FFAR4: variants seen among roughly 807,000 people sequenced by gnomAD.
The protein encoded by FFAR4 is free fatty acid receptor 4, also known as G-protein coupled receptor 120.
A neutral mutation model predicts 27.0 loss-of-function variants in FFAR4; 19 were observed. That is an observed-to-expected ratio of 0.70 (90% confidence interval 0.49 to 1.03). The LOEUF (loss-of-function observed/expected upper bound fraction) is 1.03. Among genes scored for constraint, FFAR4 ranks in the 50% least tolerant of loss-of-function variants. The pLI is 0.00. For synonymous variants in FFAR4, 254 were observed against 215.6 expected (o/e 1.18, Z -1.56); for missense variants, 476 against 479.0 (o/e 0.99, Z 0.06).
intron 1 of FFAR4, among the ~76,000 whole-genome samples, chr10:93,574,102 T>C (rs1026507015): frequency 6.6e-6 from 1 of 152,174 alleles, no homozygotes; most frequent in Admixed American, 6.6e-5. Context: ...AGTGTGTGTG[T>C]GCGTGTGTGT....
chr10:93,573,187 G>T (rs1236913349), intron 1 of FFAR4, among the ~76,000 whole-genome samples: 1 of 152,214 alleles, frequency 6.6e-6, no homozygotes, highest in African/African-American at 2.4e-5. Context: ...AAGGGCCAGC[G>T]CCTTGCTCTT....
At chr10:93,574,830 C>T (rs543505029) in intron 1 of FFAR4, among the ~76,000 whole-genome samples, 10 of 152,072 alleles carry the variant, frequency 6.6e-5, no homozygotes, top group South Asian at 2.1e-4. Flanking sequence ...ACCTGGGAGG[C>T]GGAGGTTGCA....
chr10:93,578,937 C>G (rs1241764599), intron 2 of FFAR4, among the ~76,000 whole-genome samples: 1 of 152,178 alleles, frequency 6.6e-6, no homozygotes, highest in South Asian at 2.1e-4. Context: ...CTGGTCTGCC[C>G]CTTTTCACTC....
chr10:93,575,354 G>A (rs1350956139), intron 1 of FFAR4, among the ~76,000 whole-genome samples: 2 of 152,208 alleles, frequency 1.3e-5, no homozygotes, highest in Non-Finnish European at 1.5e-5. Context: ...GAAGCTATTT[G>A]TAACTATTCA....
chr10:93,576,186 G>T lies in FFAR4; in HGVS notation c.663G>T (p.Leu221=). 1 of 1,614,040 alleles carries T rather than the reference G, an allele frequency of 6.2e-7. No homozygotes were observed. The highest frequency in any genetic ancestry group is 1.1e-5 in the South Asian group (1 of 91,078). ...FVTLNFLVPG[L]VIVISYSKIL... is the part of the protein sequence containing the mutation. ...CTTTGAACTTCTTGGTGCCAGGACT[G>T]GTCATTGTGATCAGTTACTCCAAAA... The change falls in exon 2 of 3, where the codon CTG becomes CTT. Residue 221 remains leucine, a synonymous_variant. Transcript: ENST00000371481.
intron 1 of FFAR4, among the ~76,000 whole-genome samples, chr10:93,575,638 T>C (rs2058159436): frequency 6.6e-6 from 1 of 152,216 alleles, no homozygotes; most frequent in Admixed American, 6.5e-5. Context: ...CTTACACAGT[T>C]GTGACTACAG....
intron 1 of FFAR4, among the ~76,000 whole-genome samples, chr10:93,575,681 A>G (rs962655262): frequency 6.6e-6 from 1 of 152,206 alleles, no homozygotes; most frequent in African/African-American, 2.4e-5. Flanking sequence ...TATGTTTGTT[A>G]TGTAGCATGT....
Position 93,587,114 on chromosome 10 carries a change from C to G in FFAR4, c.697-106C>G, listed in dbSNP as rs537423167. 3.4e-5 allele frequency: 34 copies of G among 988,778 alleles called. No individual in the cohort carries two copies. The East Asian group carries it at 6.7e-4, about 19-fold the overall frequency. 61.3% of individuals were successfully genotyped at this position (988,778 alleles called of 1,614,324 possible). A position where few individuals can be genotyped will look rare whatever the true frequency, so the allele number is the denominator to read the frequency against. On this transcript the variant is annotated intron_variant, in intron 2 of 2. Transcript: ENST00000371481. Reference sequence around the variant, plus strand: ...CACACAAAGTCCCAGAGGCACACAGCTTCAGTGCCTTGGGGATAGCAGATT... The same window carrying G: ...CACACAAAGTCCCAGAGGCACACAGGTTCAGTGCCTTGGGGATAGCAGATT...
chr10:93,575,658 G>A lies in FFAR4; in HGVS notation c.568-433G>A, dbSNP rs115979684. ...ACAGTTGTGACTACAGGGAAACCTC[G>A]TTCCTGTTTTGATATGTTTGTTATG... On this transcript the variant is annotated intron_variant, in intron 1 of 2. Transcript: ENST00000371481. 2.2e-3 allele frequency among the ~76,000 whole-genome samples: 340 copies of A among 152,280 alleles called. 1 individual carries two copies. Among genetic ancestry groups the A allele is most frequent in the African/African-American group, 7.4e-3 (308 of 41,544 alleles).
chr10:93,569,304 C>A (rs1194208963), intron 1 of FFAR4, among the ~76,000 whole-genome samples: 1 of 152,138 alleles, frequency 6.6e-6, no homozygotes, highest in Non-Finnish European at 1.5e-5. Flanking sequence ...TCAAGTATAA[C>A]CCTAATTAAT....
chr10:93,575,067 A>G (rs1315255765), intron 1 of FFAR4, among the ~76,000 whole-genome samples: 2 of 152,248 alleles, frequency 1.3e-5, no homozygotes, highest in Non-Finnish European at 2.9e-5. Flanking sequence ...AAGTGAATGA[A>G]TGAATGAATG....
intron 1 of FFAR4, among the ~76,000 whole-genome samples, chr10:93,571,244 G>A (rs1251049269): frequency 6.6e-6 from 1 of 152,148 alleles, no homozygotes. Context: ...CACATCGGCA[G>A]GTGGAGAAGA....
rs1360274315 is a variant in FFAR4, at chr10:93,588,326, G to A, written c.*717G>A. 1 of 152,174 alleles carries A rather than the reference G, an allele frequency of 6.6e-6. No individual in the cohort carries two copies. The highest frequency in any genetic ancestry group is 3.4e-3 in the Middle Eastern group (1 of 294). 9.4% of individuals were successfully genotyped at this position (152,174 alleles called of 1,614,324 possible). A position where few individuals can be genotyped will look rare whatever the true frequency, so the allele number is the denominator to read the frequency against. ...CCTGTGCCCTACCTTGGACTCGCAA[G>A]GGTTTAGGATCATTCGTTGATGTCA... On this transcript the variant is annotated 3_prime_UTR_variant, in exon 3 of 3. Coordinates refer to ENST00000371481, the MANE Select transcript of FFAR4 (RefSeq NM_001195755.2).
chr10:93,566,783 C>T lies in FFAR4; in HGVS notation c.63C>T (p.Asn21=), dbSNP rs2058098378. 5 of 1,608,836 alleles carry T rather than the reference C, an allele frequency of 3.1e-6. No homozygotes were observed. Among genetic ancestry groups the T allele is most frequent in the Non-Finnish European group, 4.2e-6 (5 of 1,179,194 alleles). The change falls in exon 1 of 3, where the codon AAC becomes AAT. Residue 21 remains asparagine (N), a synonymous_variant. Transcript: ENST00000371481. ...DAPLRSLEQA[N]RTRFPFFSDV... ...CCTTGCGCAGCCTGGAGCAAGCCAA[C>T]CGCACCCGCTTTCCCTTCTTCTCCG... is the stretch of plus-strand genomic sequence containing the variant.
At position 93,576,140 on chromosome 10, in the gene FFAR4, C is replaced by T; in HGVS notation, c.617C>T (p.Ser206Leu). 3 of 1,613,844 alleles carry T rather than the reference C, an allele frequency of 1.9e-6. No homozygotes were observed. The highest frequency in any genetic ancestry group is 2.5e-6 in the Non-Finnish European group (3 of 1,179,732). The change falls in exon 2 of 3, where the codon TCG becomes TTG. Residue 206 changes from serine (S) to leucine (L), a missense_variant. Transcript: ENST00000371481. ...TGGCCCACCATTCCTGGAGAGATCT[C>T]GTGGGATGTCTCTTTTGTTACTTTG... is the stretch of plus-strand genomic sequence containing the variant. ...LIWPTIPGEI[S>L]WDVSFVTLNF...
In FFAR4 at chr10:93,586,289, A is replaced by C. The variant is rs369916575; in HGVS notation, c.697-931A>C. 3.3e-5 allele frequency among the ~76,000 whole-genome samples: 5 copies of C among 152,086 alleles called. No individual in the cohort carries two copies. In the East Asian group the frequency reaches 5.8e-4, roughly 18 times the overall value. ...GGGTCTCCCCCTTCGCTTGGTTCTCATTCTTCTCCTTCCTGCCACCGTGTG... is the reference window on the plus strand; with the variant it reads ...GGGTCTCCCCCTTCGCTTGGTTCTCCTTCTTCTCCTTCCTGCCACCGTGTG... On this transcript the variant is annotated intron_variant, in intron 2 of 2. Transcript: ENST00000371481.
chr10:93,575,496 G>A (rs1025182677), intron 1 of FFAR4, among the ~76,000 whole-genome samples: 2 of 152,190 alleles, frequency 1.3e-5, no homozygotes, highest in African/African-American at 2.4e-5. Flanking sequence ...ATCTTGAACT[G>A]TCTGTGAGTG....
rs572879885 is a variant in FFAR4 at position 93,576,953 on chromosome 10, C to G, written c.696+734C>G. Among the ~76,000 whole-genome samples, 5 of 152,260 alleles carry G rather than the reference C, an allele frequency of 3.3e-5. No individual in the cohort carries two copies. In the South Asian group the frequency reaches 8.3e-4, roughly 25 times the overall value. ...ACTGAGTGCATTCATGAAAGCAGCTCCCAGGTCAAGAAATGGAATATTACC... is the reference window on the plus strand; with the variant it reads ...ACTGAGTGCATTCATGAAAGCAGCTGCCAGGTCAAGAAATGGAATATTACC... On this transcript the variant is annotated intron_variant, in intron 2 of 2. Coordinates refer to ENST00000371481, the MANE Select transcript of FFAR4 (RefSeq NM_001195755.2).
chr10:93,577,257 A>G (rs1339423122), intron 2 of FFAR4, among the ~76,000 whole-genome samples: 1 of 152,210 alleles, frequency 6.6e-6, no homozygotes, highest in East Asian at 1.9e-4. Context: ...TAGTTGTTGA[A>G]TCTTGGTTTT....
Sources: allele counts gnomAD v4.1 joint callset (sites outside exome capture counted in the v4.1 genomes callset), GRCh38; gene constraint gnomAD v4.1.1; transcripts MANE v1.5; gene names NCBI Gene and HGNC (gene_info 2026-07-23, HGNC 2026-07-21).